ATP11A: variants seen among roughly 807,000 people sequenced by gnomAD.
ATP11A encodes phospholipid-transporting ATPase IH.
ATP11A carries 81 observed loss-of-function variants against 154.4 expected under a neutral mutation model. That is an observed-to-expected ratio of 0.52 (90% CI 0.44 to 0.63). ATP11A has a LOEUF of 0.63. ATP11A is among the 30% of genes least tolerant of loss of function. The probability of loss-of-function intolerance (pLI) is 0.00; values close to 1 mark genes in which losing one functional copy is unlikely to be tolerated. For synonymous variants in ATP11A, 623 were observed against 585.9 expected (o/e 1.06, Z -0.91); for missense variants, 1,316 against 1,474.3 (o/e 0.89, Z 1.76).
At chr13:112,787,322 C>T (rs2077666802) in intron 2 of ATP11A, among the ~76,000 whole-genome samples, 1 of 127,900 alleles carries the variant, frequency 7.8e-6, no homozygotes, top group Admixed American at 7.3e-5. Context: ...GTGTAGACCC[C>T]TGTGGAGACC....
intron 17 of ATP11A, among the ~76,000 whole-genome samples, chr13:112,846,414 G>A (rs375624237): frequency 2.6e-4 from 40 of 152,176 alleles, no homozygotes; most frequent in East Asian, 1.2e-3. Context: ...AGCACCCCAC[G>A]CAGGACACCC....
chr13:112,873,160 G>T (rs868475315), intron 26 of ATP11A, among the ~76,000 whole-genome samples: 3 of 127,918 alleles, frequency 2.3e-5, no homozygotes, highest in East Asian at 5.8e-4. Context: ...TTCCTGAGTG[G>T]TGTGAGGTGT....
rs1318991331 is a variant in ATP11A, at chr13:112,875,459, T to G, written c.3162-317T>G. Among the ~76,000 whole-genome samples the G allele has an allele frequency of 6.7e-6, 1 of 149,958 alleles. No homozygotes were observed. The highest frequency in any genetic ancestry group is 2.1e-4 in the South Asian group (1 of 4,680). ...TCCGAGACTTCAAGATAGAAAAACA[T>G]CCCTATTTCAATCCCTTTGTGTTTT... On this transcript the variant is annotated intron_variant, in intron 27 of 29. Transcript: ENST00000375645. The surrounding 1 kb of genome is among the most constrained non-coding windows in gnomAD (Gnocchi z 4.1).
chr13:112,882,791 T>C lies in ATP11A; in HGVS notation c.*925T>C, dbSNP rs1393122561. 2 of 399,012 alleles carry C rather than the reference T, an allele frequency of 5.0e-6. No homozygotes were observed. Among genetic ancestry groups the C allele is most frequent in the Non-Finnish European group, 4.4e-6 (1 of 226,630 alleles). 24.7% of individuals were successfully genotyped at this position (399,012 alleles called of 1,614,324 possible). ...TACGGGAGAATGTTGATTTCGCGGGTGCGAGGGCCGGGAGACAGATACTTG... is the reference window on the plus strand; with the variant it reads ...TACGGGAGAATGTTGATTTCGCGGGCGCGAGGGCCGGGAGACAGATACTTG... On this transcript the variant is annotated 3_prime_UTR_variant, in exon 30 of 30. Transcript: ENST00000375645. The surrounding 1 kb of genome is among the most constrained non-coding windows in gnomAD (Gnocchi z 5.1).
intron 1 of ATP11A, among the ~76,000 whole-genome samples, chr13:112,772,666 C>T (rs750129378): frequency 1.3e-5 from 2 of 152,220 alleles, no homozygotes; most frequent in African/African-American, 2.4e-5. Context: ...CCCAGCCCAG[C>T]CCTGGGCAGC....
At position 112,816,179 on chromosome 13, in the gene ATP11A, A is replaced by G; in HGVS notation, c.538A>G (p.Thr180Ala). 6.2e-7 allele frequency: 1 copy of G among 1,614,126 alleles called. No homozygotes were observed. The highest frequency in any genetic ancestry group is 8.5e-7 in the Non-Finnish European group (1 of 1,180,028). Reference protein sequence around the residue: ...NRGDGTCHVTTASLDGESSHK... With the variant: ...NRGDGTCHVTAASLDGESSHK... ...GGGAGATGGGACGTGCCACGTCACC[A>G]CCGCCAGCTTGGATGGAGAATCCAG... Residue 180 changes from threonine to alanine, a missense_variant, in exon 6 of 30, where the codon ACC becomes GCC. Thr to Ala is a moderately conservative substitution (Grantham distance 58, BLOSUM62 0). Transcript: ENST00000375645.
chr13:112,694,524 G>A (rs1233635057), intron 1 of ATP11A, among the ~76,000 whole-genome samples: 1 of 152,166 alleles, frequency 6.6e-6, no homozygotes, highest in African/African-American at 2.4e-5. Flanking sequence ...AACAGCCCTT[G>A]ATCTCTGTAA....
intron 2 of ATP11A, among the ~76,000 whole-genome samples, chr13:112,790,309 C>T (rs1416426563): frequency 6.6e-6 from 1 of 152,028 alleles, no homozygotes; most frequent in African/African-American, 2.4e-5. Flanking sequence ...ATTGAGCATC[C>T]TGACGTGTAG....
chr13:112,826,298 G>A (rs1402605382), intron 11 of ATP11A, among the ~76,000 whole-genome samples: 1 of 152,226 alleles, frequency 6.6e-6, no homozygotes, highest in Non-Finnish European at 1.5e-5. Flanking sequence ...CATTTCACCA[G>A]GCTTAGTTTT....
rs2080060662 is a variant in ATP11A, at chr13:112,860,182, C to T, written c.2728-105C>T. 5 of 1,321,448 alleles carry T rather than the reference C, an allele frequency of 3.8e-6. No individual in the cohort carries two copies. In the East Asian group the frequency reaches 1.2e-4, roughly 31 times the overall value. 81.9% of individuals were successfully genotyped at this position (1,321,448 alleles called of 1,614,324 possible). ...ATATTGTTAAGCTTTGAAAAGCGCT[C>T]TGGTCTTTCTATGCATTTCAGAAAG... On this transcript the variant is annotated intron_variant, in intron 23 of 29. Coordinates refer to ENST00000375645, the MANE Select transcript of ATP11A (RefSeq NM_015205.3).
rs756700103 is a variant in ATP11A at position 112,746,447 on chromosome 13, C to T, written c.40-38688C>T. 3 of 152,008 alleles carry T rather than the reference C, an allele frequency of 2.0e-5. No homozygotes were observed. Among genetic ancestry groups the T allele is most frequent in the Non-Finnish European group, 4.4e-5 (3 of 68,064 alleles). The allele number at this position is 152,008 out of a possible 1,614,324, so 9.4% of individuals were successfully genotyped here. A position where few individuals can be genotyped will look rare whatever the true frequency, so the allele number is the denominator to read the frequency against. ...GGCTCCCCGCGTCCTCCCCGGGTAA[C>T]TGGGGCTCTGGTTCCCCACGTCCTC... On this transcript the variant is annotated intron_variant, in intron 1 of 29. Transcript: ENST00000375645. The surrounding 1 kb of genome is among the most constrained non-coding windows in gnomAD (Gnocchi z 4.1).
intron 16 of ATP11A, among the ~76,000 whole-genome samples, chr13:112,839,714 G>A (rs75963879): frequency 0.016 from 2,384 of 152,250 alleles, 69 homozygotes; most frequent in African/African-American, 0.054. Flanking sequence ...TTCCAAGGCT[G>A]TTCCTCACCA....
chr13:112,692,591 ATTC>A (rs1885325684), intron 1 of ATP11A, among the ~76,000 whole-genome samples: 1 of 152,202 alleles, frequency 6.6e-6, no homozygotes, highest in Admixed American at 6.5e-5. Context: ...AGCGGTAAAT[ATTC>A]TTTAGTGAAC....
At chr13:112,812,478 GGT>G (rs2078528690) in intron 5 of ATP11A, among the ~76,000 whole-genome samples, 1 of 152,202 alleles carries the variant, frequency 6.6e-6, no homozygotes, top group Non-Finnish European at 1.5e-5. Flanking sequence ...TGGAGAGCCA[GGT>G]GCGTTCCAGA....
chr13:112,805,672 CAA>C (rs1220102979), intron 3 of ATP11A, among the ~76,000 whole-genome samples: 14 of 83,060 alleles, frequency 1.7e-4, no homozygotes, highest in African/African-American at 3.4e-4. Context: ...GAGACTGTCT[CAA>C]AAAAAAAAAA....
At chr13:112,700,608 G>T (rs1034117063) in intron 1 of ATP11A, among the ~76,000 whole-genome samples, 1 of 152,244 alleles carries the variant, frequency 6.6e-6, no homozygotes, top group African/African-American at 2.4e-5. Context: ...TGTGAAGGGT[G>T]AGTGAACGCC....
chr13:112,725,913 C>T (rs1341389724), intron 1 of ATP11A, among the ~76,000 whole-genome samples: 1 of 152,212 alleles, frequency 6.6e-6, no homozygotes. Flanking sequence ...ACGAGGGTGC[C>T]CCTGAAGGAC....
Position 112,842,350 on chromosome 13 carries a change from A to T in ATP11A, c.1780A>T (p.Ile594Phe). 3.1e-6 allele frequency: 5 copies of T among 1,610,350 alleles called. No individual in the cohort carries two copies. The highest frequency in any genetic ancestry group is 4.2e-6 in the Non-Finnish European group (5 of 1,178,246). Residue 594 changes from isoleucine (I) to phenylalanine (F), a missense_variant, in exon 17 of 30, where the codon ATC becomes TTC. By Grantham distance (21) the Ile-to-Phe change is conservative (BLOSUM62 0). This residue lies in a region of ATP11A where 876 missense variants were observed against 1,006.8 expected (regional missense o/e 0.87). Transcript: ENST00000375645. ...AGTGATAGAAGGCAAAGTTGACCAG[A>T]TCCGAGCCAGAGTGGAGCGTAACGC... Reference protein sequence around the residue: ...PRVIEGKVDQIRARVERNAVE... With the variant: ...PRVIEGKVDQFRARVERNAVE...
intron 1 of ATP11A, among the ~76,000 whole-genome samples, chr13:112,721,584 C>T (rs762768848): frequency 2.0e-5 from 3 of 152,036 alleles, no homozygotes; most frequent in African/African-American, 4.8e-5. Flanking sequence ...GGCCTGGGAA[C>T]GAGGAACGTG....
Sources: allele counts gnomAD v4.1 joint callset (sites outside exome capture counted in the v4.1 genomes callset), GRCh38; gene constraint gnomAD v4.1.1; regional missense constraint gnomAD v4.1.1; non-coding constraint Gnocchi (gnomAD v3.1); transcripts MANE v1.5; gene names NCBI Gene and HGNC (gene_info 2026-07-23, HGNC 2026-07-21).